The following LRP1B variants were observed in gnomAD, a reference collection of about 807,000 sequenced individuals.
The protein encoded by LRP1B is low-density lipoprotein receptor-related protein 1B.
Under a neutral mutation model 556.6 loss-of-function variants are expected in LRP1B, and 217 were observed. That is an observed-to-expected ratio of 0.39 (90% CI 0.35 to 0.44). The LOEUF is 0.44. Among genes scored for constraint, LRP1B ranks in the 20% least tolerant of loss-of-function variants. The pLI is 1.00. For missense variants in LRP1B, 5,053 were observed against 5,620.8 expected (o/e 0.90, Z 3.23); for synonymous variants, 2,047 against 1,865.8 (o/e 1.10, Z -2.50).
intron 1 of LRP1B, among the ~76,000 whole-genome samples, chr2:142,114,097 T>C (rs1278318197): frequency 2.0e-5 from 3 of 152,110 alleles, no homozygotes; most frequent in Non-Finnish European, 4.4e-5. Flanking sequence ...ATAGAATCCT[T>C]ATAGACCCAG....
In LRP1B at chr2:141,195,207, T is replaced by C. The variant is rs187700472; in HGVS notation, c.851-6624A>G. On this transcript the variant is annotated intron_variant, in intron 6 of 90. Coordinates refer to ENST00000389484, the MANE Select transcript of LRP1B (RefSeq NM_018557.3). ...ATCACTCACTCTGGTGGAAGCCACC[T>C]GCCATGCTATGAGGGCACTCAAGCA... is the stretch of plus-strand genomic sequence containing the variant. Among the ~76,000 whole-genome samples the C allele has an allele frequency of 2.6e-3, 396 of 152,210 alleles. 10 individuals are homozygous for C. Among genetic ancestry groups the C allele is most frequent in the Non-Finnish European group, 5.3e-4 (36 of 67,982 alleles).
intron 9 of LRP1B, among the ~76,000 whole-genome samples, chr2:141,055,802 A>ATG (rs10664722): frequency 0.45 from 65,587 of 145,292 alleles, 15,123 homozygotes; most frequent in Non-Finnish European, 0.53. Context: ...TTACCACAAA[A>ATG]TGTGTGTGTG....
intron 3 of LRP1B, among the ~76,000 whole-genome samples, chr2:141,463,903 A>T (rs1052916162): frequency 6.7e-6 from 1 of 148,766 alleles, no homozygotes; most frequent in Non-Finnish European, 1.5e-5. Flanking sequence ...TATATCTCAA[A>T]TTTTTTCTGA....
intron 35 of LRP1B, among the ~76,000 whole-genome samples, chr2:140,752,182 G>T (rs1688602489): frequency 6.6e-6 from 1 of 152,026 alleles, no homozygotes; most frequent in South Asian, 2.1e-4. Context: ...CGGCGTGGTG[G>T]CACGCACCTG....
chr2:141,198,189 C>T (rs1265087394), intron 6 of LRP1B, among the ~76,000 whole-genome samples: 1 of 151,978 alleles, frequency 6.6e-6, no homozygotes, highest in Non-Finnish European at 1.5e-5. Flanking sequence ...TATATGTCAC[C>T]ATAATCTTTA....
At chr2:141,345,180 A>C (rs1207463697) in intron 3 of LRP1B, among the ~76,000 whole-genome samples, 5 of 151,584 alleles carry the variant, frequency 3.3e-5, no homozygotes, top group South Asian at 2.1e-4. Flanking sequence ...AAAAAAAAAA[A>C]CCCACAAGAA....
At chr2:141,875,374 G>C (rs982526147) in intron 1 of LRP1B, among the ~76,000 whole-genome samples, 1 of 151,716 alleles carries the variant, frequency 6.6e-6, no homozygotes, top group Non-Finnish European at 1.5e-5. Flanking sequence ...ATATAGACTT[G>C]CTGCCAGCAT....
At chr2:140,769,516 G>A (rs1171115445) in intron 34 of LRP1B, among the ~76,000 whole-genome samples, 172 bp from the exon 35 acceptor site, 1 of 152,062 alleles carries the variant, frequency 6.6e-6, no homozygotes, top group Non-Finnish European at 1.5e-5. Flanking sequence ...ACGAAAGGTA[G>A]GTAGATTTGT....
At chr2:140,628,490 T>C (rs1683756357) in intron 41 of LRP1B, among the ~76,000 whole-genome samples, 1 of 148,800 alleles carries the variant, frequency 6.7e-6, no homozygotes, top group Non-Finnish European at 1.5e-5. Context: ...TGAGCCTAGA[T>C]CCTGCCACTG....
At chr2:140,436,190 T>G (rs1686173609) in intron 66 of LRP1B, among the ~76,000 whole-genome samples, 1 of 152,128 alleles carries the variant, frequency 6.6e-6, no homozygotes, top group African/African-American at 2.4e-5. Context: ...CAGAAGCTGC[T>G]TTACACATAG....
At chr2:141,416,449 T>TC (rs1453786204) in intron 3 of LRP1B, among the ~76,000 whole-genome samples, 1 of 142,696 alleles carries the variant, frequency 7.0e-6, no homozygotes, top group Non-Finnish European at 1.5e-5. Flanking sequence ...GACAGCCATT[T>TC]TTTTTTTTTT....
At chr2:141,936,145 T>C (rs1173532578) in intron 1 of LRP1B, among the ~76,000 whole-genome samples, 2 of 152,184 alleles carry the variant, frequency 1.3e-5, no homozygotes, top group Non-Finnish European at 2.9e-5. Context: ...ATGTATTCTG[T>C]ATAAGATCAG....
intron 43 of LRP1B, among the ~76,000 whole-genome samples, chr2:140,546,547 G>T (rs755018073): frequency 2.2e-4 from 34 of 152,046 alleles, no homozygotes; most frequent in Non-Finnish European, 4.9e-4. Context: ...CAAAGAAGGG[G>T]GAAACCTCTT....
chr2:141,835,027 A>G (rs352982), intron 1 of LRP1B, among the ~76,000 whole-genome samples: 63,432 of 151,764 alleles, frequency 0.42, 13,338 homozygotes, highest in Middle Eastern at 0.49. Context: ...GGAATCTCAT[A>G]AGAGAGTGAA....
chr2:140,272,630 T>A (rs1323787113), intron 85 of LRP1B, among the ~76,000 whole-genome samples: 1 of 151,954 alleles, frequency 6.6e-6, no homozygotes, highest in Non-Finnish European at 1.5e-5. Context: ...TTTATTGCAA[T>A]TTTGTTTTAC....
At chr2:141,675,687 A>G (rs1475959326) in intron 2 of LRP1B, among the ~76,000 whole-genome samples, 1 of 10,410 alleles carries the variant, frequency 9.6e-5, no homozygotes, top group East Asian at 0.011. Flanking sequence ...TGGTATATAT[A>G]TATATATATG....
chr2:141,805,234 C>T (rs151177543), intron 2 of LRP1B: 2 of 152,156 alleles, frequency 1.3e-5, no homozygotes, highest in East Asian at 1.9e-4. Context: ...AGGTTATCTA[C>T]TAGGAGAGAA....
intron 3 of LRP1B, among the ~76,000 whole-genome samples, chr2:141,478,243 A>G (rs1682785132): frequency 6.6e-6 from 1 of 152,188 alleles, no homozygotes; most frequent in African/African-American, 2.4e-5. Flanking sequence ...AAACTCAGAT[A>G]TATTTTCATA....
chr2:141,603,300 A>T (rs973147744), intron 2 of LRP1B, among the ~76,000 whole-genome samples: 7 of 152,218 alleles, frequency 4.6e-5, no homozygotes, highest in Non-Finnish European at 1.0e-4. Flanking sequence ...TTTTTGAATT[A>T]TAATAGTAAC....
Sources: gnomAD v4.1 joint callset for allele counts (sites outside exome capture counted in the v4.1 genomes callset) on GRCh38, gnomAD v4.1.1 for gene constraint, MANE v1.5 for transcripts, NCBI Gene and HGNC (gene_info 2026-07-23, HGNC 2026-07-21) for gene names.